MERTK: variants seen among roughly 807,000 people sequenced by gnomAD.
The protein encoded by MERTK is tyrosine-protein kinase Mer.
In MERTK, 69 loss-of-function variants were observed where a neutral mutation model predicts 99.3. The ratio of observed to expected loss-of-function variants is 0.70; its 90% CI spans 0.57 to 0.85. The LOEUF (loss-of-function observed/expected upper bound fraction) is 0.85, where lower values mean the gene tolerates loss of function less well. Ranked by LOEUF, MERTK falls within the 40% of genes least tolerant of loss-of-function variation. The pLI is 0.00. For missense variants in MERTK, 1,125 were observed against 1,249.4 expected (o/e 0.90, Z 1.50); for synonymous variants, 426 against 467.6 (o/e 0.91, Z 1.15).
chr2:111,988,038 G>A (rs1156804151), intron 8 of MERTK, among the ~76,000 whole-genome samples: 2 of 148,120 alleles, frequency 1.4e-5, no homozygotes, highest in African/African-American at 2.5e-5. Context: ...CATTCAGGCT[G>A]GAATGCAGTG....
intron 2 of MERTK, among the ~76,000 whole-genome samples, chr2:111,944,479 TATTAATTCC>T (rs1684921613): frequency 6.6e-6 from 1 of 152,264 alleles, no homozygotes; most frequent in Non-Finnish European, 1.5e-5. Flanking sequence ...CTAAATTATT[TATTAATTCC>T]TAAATTATGA....
intron 15 of MERTK, among the ~76,000 whole-genome samples, chr2:112,017,272 T>C (rs561699572): frequency 6.6e-6 from 1 of 152,252 alleles, no homozygotes; most frequent in South Asian, 2.1e-4. Flanking sequence ...CACCAATTGA[T>C]GCGTTTTTAC....
intron 15 of MERTK, among the ~76,000 whole-genome samples, chr2:112,016,942 G>A (rs964448587): frequency 4.6e-5 from 7 of 152,184 alleles, no homozygotes; most frequent in African/African-American, 1.7e-4. Flanking sequence ...CAAGAATGAA[G>A]CCGCGGACCT....
chr2:111,992,138 C>G (rs899588673), intron 8 of MERTK, among the ~76,000 whole-genome samples: 3 of 152,124 alleles, frequency 2.0e-5, no homozygotes, highest in Non-Finnish European at 4.4e-5. Flanking sequence ...TGTTTCCATT[C>G]CCTGGAGGAA....
At chr2:111,975,543 T>C (rs1676229987) in intron 7 of MERTK, 71 bp downstream of exon 7, 2 of 1,510,084 alleles carry the variant, frequency 1.3e-6, no homozygotes, top group Admixed American at 1.7e-5. Flanking sequence ...CCCAGTGGCC[T>C]GACTGAGAGT....
rs140552395 is a variant in MERTK at position 111,946,359 on chromosome 2, G to T, written c.584-1035G>T. On this transcript the variant is annotated intron_variant, in intron 3 of 18. Transcript: ENST00000295408. ...AAAAAAACCTTGAAACAGGATAAAAGAATTCCATTTCACATAACTGCCACG... is the reference window on the plus strand; with the variant it reads ...AAAAAAACCTTGAAACAGGATAAAATAATTCCATTTCACATAACTGCCACG... 2.2e-3 allele frequency among the ~76,000 whole-genome samples: 335 copies of T among 152,284 alleles called. 5 individuals carry two copies. Among genetic ancestry groups the T allele is most frequent in the Admixed American group, 0.016 (240 of 15,298 alleles).
intron 1 of MERTK, among the ~76,000 whole-genome samples, chr2:111,917,372 G>T (rs957731010): frequency 6.6e-5 from 10 of 152,150 alleles, no homozygotes; most frequent in African/African-American, 2.2e-4. Context: ...GTGTGGATGG[G>T]GACGGGGCCG....
chr2:111,971,282 AT>A (rs1018205094), intron 6 of MERTK, among the ~76,000 whole-genome samples: 6 of 150,548 alleles, frequency 4.0e-5, no homozygotes, highest in African/African-American at 1.2e-4. Flanking sequence ...GATTTTGTGA[AT>A]TTTTTTCTAT....
intron 4 of MERTK, chr2:111,952,655 G>A (rs1024240011): frequency 6.6e-5 from 10 of 152,190 alleles, no homozygotes; most frequent in African/African-American, 2.4e-4. Context: ...AGTACCACAT[G>A]CTGTCAGGGC....
chr2:112,018,854 G>A (rs539745095), intron 15 of MERTK, among the ~76,000 whole-genome samples: 5 of 152,302 alleles, frequency 3.3e-5, no homozygotes, highest in African/African-American at 9.6e-5. Context: ...TACTTGTGGT[G>A]CTTTGGTCCT....
At chr2:111,969,107 C>A (rs1676022079) in intron 6 of MERTK, among the ~76,000 whole-genome samples, 2 of 152,208 alleles carry the variant, frequency 1.3e-5, no homozygotes, top group African/African-American at 4.8e-5. Context: ...AAAATGATAA[C>A]TTGCCCATGA....
At chr2:111,960,381 T>C (rs1006260164) in intron 4 of MERTK, among the ~76,000 whole-genome samples, 2 of 149,730 alleles carry the variant, frequency 1.3e-5, no homozygotes, top group Non-Finnish European at 2.9e-5. Context: ...CTTGGGAGAC[T>C]GAGGCAGGAG....
At chr2:111,969,354 G>T (rs1041135999) in intron 6 of MERTK, among the ~76,000 whole-genome samples, 1 of 152,158 alleles carries the variant, frequency 6.6e-6, no homozygotes, top group Non-Finnish European at 1.5e-5. Flanking sequence ...GAGGGACATC[G>T]CATCTGGGAG....
chr2:111,954,093 T>C (rs530885235), intron 4 of MERTK, among the ~76,000 whole-genome samples: 14 of 152,344 alleles, frequency 9.2e-5, no homozygotes, highest in Non-Finnish European at 1.8e-4. Flanking sequence ...ACAGAGCTTC[T>C]CATTCCTGGC....
chr2:111,998,892 A>G (rs1386998627), intron 10 of MERTK, among the ~76,000 whole-genome samples: 8 of 152,230 alleles, frequency 5.3e-5, no homozygotes, highest in Admixed American at 5.2e-4. Flanking sequence ...TGTCGAAGTC[A>G]GTTCCCATGG....
chr2:111,995,653 T>C (rs11683421), intron 9 of MERTK, among the ~76,000 whole-genome samples: 94,002 of 152,028 alleles, frequency 0.62, 29,442 homozygotes, highest in Middle Eastern at 0.7. Flanking sequence ...AGAAATTCAA[T>C]GACCCTGAGA....
In MERTK at chr2:112,028,926, T is replaced by C; in HGVS notation, c.*62T>C. ...ATTCTTCTGCTGTAGGAGAATCCAA[T>C]TGTACCTGATGTTTTTGGTATTTGT... On this transcript the variant is annotated 3_prime_UTR_variant, in exon 19 of 19. Transcript: ENST00000295408. The C allele has an allele frequency of 6.2e-7, 1 of 1,608,872 alleles. No homozygotes were observed. The highest frequency in any genetic ancestry group is 8.5e-7 in the Non-Finnish European group (1 of 1,178,414).
intron 8 of MERTK, 47 bp from the exon 9 acceptor site, chr2:111,994,204 G>C: frequency 6.2e-7 from 1 of 1,609,858 alleles, no homozygotes; most frequent in Non-Finnish European, 8.5e-7. Flanking sequence ...CCTGCAGTTT[G>C]CCCAGACCTC....
At chr2:111,940,277 G>T in intron 2 of MERTK, 1 of 423,564 alleles carries the variant, frequency 2.4e-6, no homozygotes, top group East Asian at 5.7e-5. Context: ...GACTAAATAG[G>T]TGAAAAGCTG....
Sources: allele counts gnomAD v4.1 joint callset (sites outside exome capture counted in the v4.1 genomes callset), GRCh38; gene constraint gnomAD v4.1.1; transcripts MANE v1.5; gene names NCBI Gene and HGNC (gene_info 2026-07-23, HGNC 2026-07-21).